The following ADAMTS18 variants were observed in gnomAD, a reference collection of about 807,000 sequenced individuals.
The protein encoded by ADAMTS18 is ADAM metallopeptidase with thrombospondin type 1 motif 18.
A neutral mutation model predicts 165.9 loss-of-function variants in ADAMTS18; 157 were observed. The ratio of observed to expected loss-of-function variants is 0.95; its 90% CI spans 0.83 to 1.08. The LOEUF (loss-of-function observed/expected upper bound fraction) is 1.08. Ranked by LOEUF, ADAMTS18 falls within the 50% of genes least tolerant of loss-of-function variation. The pLI is 0.00. For missense variants in ADAMTS18, 2,040 were observed against 1,534.0 expected (o/e 1.33, Z -5.51); for synonymous variants, 782 against 578.2 (o/e 1.35, Z -5.06).
intron 3 of ADAMTS18, among the ~76,000 whole-genome samples, chr16:77,369,520 A>C (rs562107395): frequency 3.8e-4 from 58 of 152,348 alleles, no homozygotes; most frequent in African/African-American, 1.3e-3. Context: ...TCCTGGACAA[A>C]CACAGTCTAC....
intron 17 of ADAMTS18, among the ~76,000 whole-genome samples, chr16:77,299,665 T>C (rs1202107216): frequency 2.6e-5 from 4 of 152,236 alleles, no homozygotes; most frequent in South Asian, 4.1e-4. Flanking sequence ...CCCCCAAATA[T>C]GTGACATTGT....
chr16:77,293,950 C>T (rs978239616), intron 19 of ADAMTS18, among the ~76,000 whole-genome samples: 13 of 151,662 alleles, frequency 8.6e-5, no homozygotes, highest in Middle Eastern at 3.2e-3. Flanking sequence ...GGTTGGGGAC[C>T]CTTGTGCTAA....
chr16:77,370,167 T>A (rs1480328965), intron 3 of ADAMTS18, among the ~76,000 whole-genome samples: 1 of 152,042 alleles, frequency 6.6e-6, no homozygotes, highest in Admixed American at 6.6e-5. Context: ...TCCTCTAAGA[T>A]CCAGAACAAG....
At chr16:77,340,455 A>C (rs1021551351) in intron 11 of ADAMTS18, among the ~76,000 whole-genome samples, 3 of 152,164 alleles carry the variant, frequency 2.0e-5, no homozygotes, top group African/African-American at 7.2e-5. Context: ...GATTACAGGC[A>C]TGAGCCACTG....
intron 3 of ADAMTS18, among the ~76,000 whole-genome samples, chr16:77,375,563 C>G (rs980866293): frequency 3.3e-5 from 5 of 152,284 alleles, no homozygotes; most frequent in Admixed American, 2.6e-4. Flanking sequence ...CATGATGGAA[C>G]TGAGAGACTG....
chr16:77,320,928 T>C (rs772029429), intron 15 of ADAMTS18, 151 bp downstream of exon 15: 29 of 952,332 alleles, frequency 3.0e-5, no homozygotes, highest in Non-Finnish European at 4.6e-5. Flanking sequence ...CTCACAACTA[T>C]CTCCCTTACT....
At chr16:77,303,920 C>T (rs1281743228) in intron 16 of ADAMTS18, among the ~76,000 whole-genome samples, 1 of 152,138 alleles carries the variant, frequency 6.6e-6, no homozygotes, top group African/African-American at 2.4e-5. Flanking sequence ...GTCCCACCTA[C>T]TCGGGAGGCT....
chr16:77,369,211 C>T (rs550436324), intron 3 of ADAMTS18, among the ~76,000 whole-genome samples: 1 of 152,226 alleles, frequency 6.6e-6, no homozygotes, highest in South Asian at 2.1e-4. Context: ...TCACATTTTT[C>T]ATTTCTGACT....
chr16:77,334,250 TAC>T (rs1277957838), intron 12 of ADAMTS18, among the ~76,000 whole-genome samples: 7 of 72,840 alleles, frequency 9.6e-5, no homozygotes, highest in Admixed American at 8.6e-4. Flanking sequence ...TGTTATATAT[TAC>T]ATATAATATA....
chr16:77,341,554 G>C lies in ADAMTS18; in HGVS notation c.1710+150C>G, dbSNP rs924896423. On this transcript the variant is annotated intron_variant, in intron 11 of 22. Coordinates refer to ENST00000282849, the MANE Select transcript of ADAMTS18 (RefSeq NM_199355.4). ...CTGGGTTATATTAGCATTAAGCTTT[G>C]TAATTGCTGCTATATAATGTTGTTA... 5.4e-5 allele frequency: 38 copies of C among 703,138 alleles called. No individual in the cohort carries two copies. The African/African-American group carries it at 6.1e-4, about 11-fold the overall frequency. 43.6% of individuals were successfully genotyped at this position (703,138 alleles called of 1,614,324 possible). A position where few individuals can be genotyped will look rare whatever the true frequency, so the allele number is the denominator to read the frequency against.
At chr16:77,377,116 C>T (rs185671) in intron 3 of ADAMTS18, among the ~76,000 whole-genome samples, 53,039 of 152,038 alleles carry the variant, frequency 0.35, 10,183 homozygotes, top group Non-Finnish European at 0.44. Flanking sequence ...CATCCGGCCT[C>T]AAGGGCCAAA....
chr16:77,344,075 C>T (rs1302280635), intron 10 of ADAMTS18, among the ~76,000 whole-genome samples: 1 of 149,046 alleles, frequency 6.7e-6, no homozygotes, highest in Non-Finnish European at 1.5e-5. Flanking sequence ...AAAAGCTTTC[C>T]ATGGGACTGA....
intron 16 of ADAMTS18, among the ~76,000 whole-genome samples, chr16:77,314,886 C>T (rs35641085): frequency 0.5 from 71,604 of 142,718 alleles, 18,721 homozygotes; most frequent in Non-Finnish European, 0.54. Flanking sequence ...CAGTTATCCT[C>T]ATCATGGCCC....
At chr16:77,305,116 T>C (rs1360220244) in intron 16 of ADAMTS18, among the ~76,000 whole-genome samples, 2 of 17,760 alleles carry the variant, frequency 1.1e-4, no homozygotes. Context: ...AACAAATAAG[T>C]ACCAAGACAA....
At chr16:77,369,828 G>T (rs2056850949) in intron 3 of ADAMTS18, among the ~76,000 whole-genome samples, 1 of 152,098 alleles carries the variant, frequency 6.6e-6, no homozygotes, top group African/African-American at 2.4e-5. Flanking sequence ...CACAGATGTG[G>T]AAATCCTCAA....
chr16:77,337,402 T>C (rs910040511), intron 11 of ADAMTS18, among the ~76,000 whole-genome samples: 1 of 152,198 alleles, frequency 6.6e-6, no homozygotes, highest in Non-Finnish European at 1.5e-5. Flanking sequence ...ACATGCAGTA[T>C]CTCATCTAAT....
chr16:77,425,000 G>C (rs1435197821), intron 3 of ADAMTS18, among the ~76,000 whole-genome samples: 1 of 152,184 alleles, frequency 6.6e-6, no homozygotes, highest in Non-Finnish European at 1.5e-5. Flanking sequence ...AGACTGTTTG[G>C]CAGGCAGTGA....
chr16:77,363,913 A>G lies in ADAMTS18; in HGVS notation c.973-28T>C, dbSNP rs1357884673. ...GTTGGAACAATGGAAATCAAACAAAATCTCAAAATTTTCAAAACCTTAGGG... is the reference window on the plus strand; with the variant it reads ...GTTGGAACAATGGAAATCAAACAAAGTCTCAAAATTTTCAAAACCTTAGGG... On this transcript the variant is annotated intron_variant, in intron 5 of 22. Coordinates refer to ENST00000282849, the MANE Select transcript of ADAMTS18 (RefSeq NM_199355.4). 2.5e-6 allele frequency: 4 copies of G among 1,610,542 alleles called. No individual in the cohort carries two copies. In the Admixed American group the frequency reaches 6.7e-5, roughly 27 times the overall value.
chr16:77,369,510 T>A (rs1314700600), intron 3 of ADAMTS18, among the ~76,000 whole-genome samples: 4 of 152,142 alleles, frequency 2.6e-5, no homozygotes, highest in Non-Finnish European at 5.9e-5. Context: ...AACAGAGAAA[T>A]CCTGGACAAA....
Sources: gnomAD v4.1 joint callset for allele counts (sites outside exome capture counted in the v4.1 genomes callset) on GRCh38, gnomAD v4.1.1 for gene constraint, MANE v1.5 for transcripts, NCBI Gene and HGNC (gene_info 2026-07-23, HGNC 2026-07-21) for gene names.